CLCN3: variants seen among roughly 807,000 people sequenced by gnomAD.
CLCN3 encodes Cl-/H+ antiporter 3.
Under a neutral mutation model 83.4 loss-of-function variants are expected in CLCN3, and 16 were observed. That is an observed-to-expected ratio of 0.19 (90% CI 0.13 to 0.29). CLCN3 has a LOEUF of 0.29. Ranked by LOEUF, CLCN3 falls within the 10% of genes least tolerant of loss-of-function variation. CLCN3 has a pLI of 1.00. For missense variants in CLCN3, 544 were observed against 1,006.0 expected, an observed-to-expected ratio of 0.54 and a Z score of 6.21; for synonymous variants, 322 against 346.2, an observed-to-expected ratio of 0.93 and a Z score of 0.78.
At chr4:169,648,067 T>C (rs998269369) in intron 2 of CLCN3, among the ~76,000 whole-genome samples, 32 of 152,108 alleles carry the variant, frequency 2.1e-4, no homozygotes, top group African/African-American at 7.5e-4. Flanking sequence ...GTCAAGATCA[T>C]GAAAACTAGG....
chr4:169,709,677 CAA>C (rs80258467), intron 11 of CLCN3, among the ~76,000 whole-genome samples: 10 of 129,150 alleles, frequency 7.7e-5, no homozygotes, highest in Admixed American at 7.9e-5. Context: ...AACCCTGTCT[CAA>C]AAAAAAAAAA....
intron 2 of CLCN3, among the ~76,000 whole-genome samples, chr4:169,665,504 G>A (rs764665530): frequency 1.3e-5 from 2 of 151,916 alleles, no homozygotes; most frequent in African/African-American, 2.4e-5. Context: ...TTGATTTGGA[G>A]TCTGCTAACA....
intron 2 of CLCN3, among the ~76,000 whole-genome samples, chr4:169,676,331 T>C (rs1731674113): frequency 6.6e-6 from 1 of 152,188 alleles, no homozygotes; most frequent in South Asian, 2.1e-4. Flanking sequence ...ATATTTAAGC[T>C]TTTGTGCACT....
rs1232578431 is a variant in CLCN3, at chr4:169,697,396, A to T, written c.1225A>T (p.Arg409Trp). The T allele has an allele frequency of 6.2e-7, 1 of 1,613,888 alleles. No individual in the cohort carries two copies. The highest frequency in any genetic ancestry group is 8.5e-7 in the Non-Finnish European group (1 of 1,179,982). Reference sequence around the variant, plus strand: ...AGGGCTTTGGGGAGCCTTTTTCATTAGGGCAAATATTGCCTGGTGTCGTCG... The same window carrying T: ...AGGGCTTTGGGGAGCCTTTTTCATTTGGGCAAATATTGCCTGGTGTCGTCG... Reference protein sequence around the residue: ...FGGLWGAFFIRANIAWCRRRK... With the variant: ...FGGLWGAFFIWANIAWCRRRK... Residue 409 changes from arginine (R) to tryptophan (W), a missense_variant, in exon 9 of 13, where the codon AGG becomes TGG. Around this residue, in one of 6 missense-constraint regions of CLCN3, gnomAD observed 194 missense variants for 341.4 expected, o/e 0.57. Coordinates refer to ENST00000513761, the MANE Select transcript of CLCN3 (RefSeq NM_001829.4).
intron 2 of CLCN3, chr4:169,662,704 T>C (rs1731099174): frequency 6.6e-6 from 1 of 152,188 alleles, no homozygotes; most frequent in Admixed American, 6.5e-5. Flanking sequence ...AATACTACTT[T>C]TCAAGGCGAG....
At position 169,720,818 on chromosome 4, in the gene CLCN3, A is replaced by C. The variant is rs971970203; in HGVS notation, c.*821A>C. Reference sequence around the variant, plus strand: ...TGTGTGCCGTGTGGCTCAAAACCGAAAACAATGAAGCTTGGTTTTAAAGGA... The same window carrying C: ...TGTGTGCCGTGTGGCTCAAAACCGACAACAATGAAGCTTGGTTTTAAAGGA... On this transcript the variant is annotated 3_prime_UTR_variant, in exon 13 of 13. Coordinates refer to ENST00000513761, the MANE Select transcript of CLCN3 (RefSeq NM_001829.4). 3.3e-5 allele frequency: 5 copies of C among 152,780 alleles called. No homozygotes were observed. Among genetic ancestry groups the C allele is most frequent in the Admixed American group, 6.5e-5 (1 of 15,300 alleles). 9.5% of individuals were successfully genotyped at this position (152,780 alleles called of 1,614,324 possible).
intron 2 of CLCN3, chr4:169,643,004 A>G (rs1165681405): frequency 6.6e-6 from 1 of 152,204 alleles, no homozygotes; most frequent in Non-Finnish European, 1.5e-5. Flanking sequence ...GGAGGTCATC[A>G]ATGTATATTT....
intron 2 of CLCN3, among the ~76,000 whole-genome samples, chr4:169,642,085 AT>A (rs931433696): frequency 2.0e-3 from 292 of 148,342 alleles, no homozygotes; most frequent in Middle Eastern, 6.8e-3. Context: ...TTTAAAATTT[AT>A]TTTTTTTTTT....
chr4:169,656,966 T>A (rs1434852994), intron 2 of CLCN3, among the ~76,000 whole-genome samples: 2 of 152,056 alleles, frequency 1.3e-5, no homozygotes, highest in East Asian at 1.9e-4. Context: ...AAATAAAAAA[T>A]CTTTTCATTA....
intron 11 of CLCN3, among the ~76,000 whole-genome samples, chr4:169,708,966 A>G (rs918535193): frequency 4.0e-5 from 6 of 148,404 alleles, no homozygotes; most frequent in Non-Finnish European, 5.9e-5. Context: ...AATTACATAT[A>G]TATGTTTATA....
In CLCN3 at chr4:169,697,687, G is replaced by A. The variant is rs1034994754; in HGVS notation, c.1516G>A (p.Ala506Thr). 3.4e-5 allele frequency: 55 copies of A among 1,612,766 alleles called. No individual in the cohort carries two copies. Among genetic ancestry groups the A allele is most frequent in the Non-Finnish European group, 4.3e-5 (51 of 1,179,488 alleles). ...TTCAGCTATATGGCAGTTATGCCTG[G>A]CACTCATATTTAAAATCATAATGAC... ...VYSAIWQLCLALIFKIIMTVF... is the reference protein window; with the variant it reads ...VYSAIWQLCLTLIFKIIMTVF... The change falls in exon 9 of 13, where the codon GCA becomes ACA. Residue 506 changes from alanine (A) to threonine (T), a missense_variant. Physicochemically the swap from Ala to Thr is moderately conservative, Grantham distance 58. This residue lies in a region of CLCN3 where 194 missense variants were observed against 341.4 expected (regional missense o/e 0.57). Transcript: ENST00000513761.
chr4:169,631,640 T>G (rs1404835447), intron 1 of CLCN3, among the ~76,000 whole-genome samples: 1 of 152,162 alleles, frequency 6.6e-6, no homozygotes, highest in Non-Finnish European at 1.5e-5. Context: ...ATTGTTTGCT[T>G]CTTGTAGATT....
At chr4:169,688,419 A>G (rs1290824711) in intron 4 of CLCN3, among the ~76,000 whole-genome samples, 1 of 152,220 alleles carries the variant, frequency 6.6e-6, no homozygotes, top group Admixed American at 6.5e-5. Flanking sequence ...ATGGAAGATT[A>G]TGTTCAGAAG....
intron 11 of CLCN3, among the ~76,000 whole-genome samples, chr4:169,710,548 G>A (rs1262442531): frequency 6.6e-6 from 1 of 152,212 alleles, no homozygotes; most frequent in Non-Finnish European, 1.5e-5. Context: ...TTACAAGTGT[G>A]AGCCACCACA....
chr4:169,679,994 T>G, intron 2 of CLCN3, 56 bp from the exon 3 acceptor site: 1 of 1,350,994 alleles, frequency 7.4e-7, no homozygotes, highest in Non-Finnish European at 1.1e-6. Flanking sequence ...AGAAGGTCAC[T>G]TAGCTCACTG....
At chr4:169,683,643 T>A (rs1255588687) in intron 3 of CLCN3, among the ~76,000 whole-genome samples, 2 of 152,200 alleles carry the variant, frequency 1.3e-5, no homozygotes, top group Non-Finnish European at 2.9e-5. Flanking sequence ...CCTAGACCAA[T>A]CAAATATTTT....
chr4:169,636,638 A>G (rs751413664), intron 2 of CLCN3, among the ~76,000 whole-genome samples: 1 of 152,108 alleles, frequency 6.6e-6, no homozygotes, highest in Non-Finnish European at 1.5e-5. Context: ...TGTCGTGTAT[A>G]GCAATAGTTA....
chr4:169,687,065 ATTATACAC>A (rs1218157141), intron 3 of CLCN3, among the ~76,000 whole-genome samples: 1 of 152,048 alleles, frequency 6.6e-6, no homozygotes, highest in Non-Finnish European at 1.5e-5. Flanking sequence ...ACATGGTATT[ATTATACAC>A]AGATCCTGTC....
At chr4:169,705,106 A>C (rs188559865) in intron 10 of CLCN3, among the ~76,000 whole-genome samples, 2 of 152,346 alleles carry the variant, frequency 1.3e-5, no homozygotes, top group Admixed American at 6.5e-5. Flanking sequence ...AAAGAGTCTA[A>C]GTATGGTAGG....
Sources: allele counts gnomAD v4.1 joint callset (sites outside exome capture counted in the v4.1 genomes callset), GRCh38; gene constraint gnomAD v4.1.1; regional missense constraint gnomAD v4.1.1; transcripts MANE v1.5; gene names NCBI Gene and HGNC (gene_info 2026-07-23, HGNC 2026-07-21).